EPC1: variants seen among roughly 807,000 people sequenced by gnomAD.
EPC1 encodes enhancer of polycomb 1.
EPC1 carries 12 observed loss-of-function variants against 98.4 expected under a neutral mutation model. The ratio of observed to expected loss-of-function variants is 0.12; its 90% CI spans 0.08 to 0.20. EPC1 has a LOEUF of 0.20. Ranked by LOEUF, EPC1 falls within the 10% of genes least tolerant of loss-of-function variation. The pLI, the probability that EPC1 is intolerant of heterozygous loss-of-function variation, is 1.00. For missense variants in EPC1, 729 were observed against 990.5 expected (o/e 0.74, Z 3.54); for synonymous variants, 357 against 363.9 (o/e 0.98, Z 0.21).
intron 2 of EPC1, among the ~76,000 whole-genome samples, chr10:32,302,766 T>C (rs935091242): frequency 2.6e-5 from 4 of 151,918 alleles, no homozygotes; most frequent in Non-Finnish European, 4.4e-5. Flanking sequence ...ATTTTAGCCA[T>C]TTAGGAAAAT....
chr10:32,323,352 T>C (rs1564546764), intron 1 of EPC1, among the ~76,000 whole-genome samples: 1 of 152,194 alleles, frequency 6.6e-6, no homozygotes, highest in Non-Finnish European at 1.5e-5. Flanking sequence ...CAAAACTTTC[T>C]TGTTCAAATA....
Position 32,268,998 on chromosome 10 carries a change from T to C in EPC1, c.*65A>G, listed in dbSNP as rs1835707595. ...GTGCTGCTTTCCATCATCCCTTGCA[T>C]TCAAAATGCTACTGATGCATAGCAC... On this transcript the variant is annotated 3_prime_UTR_variant, in exon 14 of 14. Transcript: ENST00000319778. The C allele has an allele frequency of 1.5e-6, 2 of 1,376,908 alleles. No individual in the cohort carries two copies. Among genetic ancestry groups the C allele is most frequent in the South Asian group, 2.4e-5 (2 of 82,454 alleles). The allele number at this position is 1,376,908 out of a possible 1,614,324, so 85.3% of individuals were successfully genotyped here. A position where few individuals can be genotyped will look rare whatever the true frequency, so the allele number is the denominator to read the frequency against.
intron 10 of EPC1, among the ~76,000 whole-genome samples, chr10:32,278,362 T>G (rs548607195): frequency 1.1e-4 from 7 of 64,774 alleles, no homozygotes; most frequent in East Asian, 5.6e-4. Flanking sequence ...TATACTTTGG[T>G]TTTTTTTTGT....
At chr10:32,366,723 C>A (rs1839614560) in intron 1 of EPC1, among the ~76,000 whole-genome samples, 1 of 152,078 alleles carries the variant, frequency 6.6e-6, no homozygotes, top group Non-Finnish European at 1.5e-5. Context: ...CAGAGTGCAA[C>A]CCACACAGTG....
At chr10:32,370,271 T>G (rs915066669) in intron 1 of EPC1, among the ~76,000 whole-genome samples, 1 of 152,142 alleles carries the variant, frequency 6.6e-6, no homozygotes, top group Non-Finnish European at 1.5e-5. Flanking sequence ...TTTATGTAGG[T>G]CTGGGCCTCC....
intron 2 of EPC1, among the ~76,000 whole-genome samples, chr10:32,301,188 C>T (rs947792097): frequency 2.0e-5 from 3 of 151,928 alleles, no homozygotes; most frequent in African/African-American, 4.8e-5. Flanking sequence ...AAAAAGGCTT[C>T]GAGTATTAAG....
At chr10:32,279,334 T>G (rs916628842) in intron 10 of EPC1, among the ~76,000 whole-genome samples, 1 of 146,112 alleles carries the variant, frequency 6.8e-6, no homozygotes. Flanking sequence ...GGCGACAGAG[T>G]GAGACTCTGT....
At chr10:32,343,785 G>A (rs1280059404) in intron 1 of EPC1, among the ~76,000 whole-genome samples, 1 of 151,812 alleles carries the variant, frequency 6.6e-6, no homozygotes, top group Non-Finnish European at 1.5e-5. Context: ...TATTAAAACT[G>A]GTTAAATGGG....
intron 1 of EPC1, among the ~76,000 whole-genome samples, chr10:32,360,222 A>G (rs896189265): frequency 2.0e-5 from 3 of 152,130 alleles, no homozygotes; most frequent in African/African-American, 7.2e-5. Context: ...CATATGTTGT[A>G]TCAGTAGTTT....
intron 10 of EPC1, among the ~76,000 whole-genome samples, chr10:32,280,442 C>T (rs1044714147): frequency 7.3e-5 from 11 of 151,466 alleles, no homozygotes; most frequent in African/African-American, 2.4e-4. Context: ...CAGAGTGAAA[C>T]TGTATCTCAA....
At chr10:32,276,367 C>A (rs1836095827) in intron 10 of EPC1, among the ~76,000 whole-genome samples, 1 of 152,114 alleles carries the variant, frequency 6.6e-6, no homozygotes, top group Non-Finnish European at 1.5e-5. Flanking sequence ...AAAAACTTAG[C>A]CAGGCGTGGT....
intron 1 of EPC1, among the ~76,000 whole-genome samples, chr10:32,352,748 A>C (rs1337317184): frequency 6.6e-6 from 1 of 152,174 alleles, no homozygotes; most frequent in East Asian, 1.9e-4. Flanking sequence ...AATACTTTAA[A>C]TGCATTATCT....
chr10:32,285,021 T>C lies in EPC1; in HGVS notation c.1421A>G (p.Tyr474Cys), dbSNP rs780802656. The C allele has an allele frequency of 4.3e-6, 7 of 1,614,040 alleles. No homozygotes were observed. Among genetic ancestry groups the C allele is most frequent in the African/African-American group, 1.3e-5 (1 of 74,942 alleles). Residue 474 changes from tyrosine (Y) to cysteine (C), a missense_variant, in exon 10 of 14, where the codon TAT (tyrosine) becomes TGT (cysteine). By Grantham distance (194) the Tyr-to-Cys change is radical (BLOSUM62 -2). Around this residue, in one of 6 missense-constraint regions of EPC1, gnomAD observed 390 missense variants for 438.6 expected, o/e 0.89. Coordinates refer to ENST00000319778, the MANE Select transcript of EPC1 (RefSeq NM_001272004.3). ...RVLLDRAHSDYDSVFHHLDLE... is the reference protein window; with the variant it reads ...RVLLDRAHSDCDSVFHHLDLE... ...ATCCAGATGGTGAAACACACTGTCA[T>C]AGTCTGAATGAGCTCTGTCCAGTAA...
intron 1 of EPC1, among the ~76,000 whole-genome samples, chr10:32,332,738 T>A (rs375026031): frequency 7.5e-4 from 115 of 152,326 alleles, no homozygotes; most frequent in African/African-American, 2.6e-3. Context: ...AGATTACAAA[T>A]GTTTGTTGTT....
intron 1 of EPC1, among the ~76,000 whole-genome samples, chr10:32,310,965 A>G (rs1353625153): frequency 1.3e-5 from 2 of 152,212 alleles, no homozygotes; most frequent in African/African-American, 4.8e-5. Flanking sequence ...GTGAAGTGTC[A>G]TGATATATGC....
chr10:32,296,055 C>G (rs955063700), intron 2 of EPC1, among the ~76,000 whole-genome samples: 3 of 151,834 alleles, frequency 2.0e-5, no homozygotes, highest in Non-Finnish European at 4.4e-5. Context: ...TTCCAACGAG[C>G]TGGGATTACA....
intron 1 of EPC1, among the ~76,000 whole-genome samples, chr10:32,358,671 T>C (rs373479756): frequency 6.5e-5 from 9 of 138,922 alleles, no homozygotes; most frequent in African/African-American, 8.0e-5. Flanking sequence ...GGGAAGAAAG[T>C]GGGTTTAAAT....
In EPC1 at chr10:32,293,752, C is replaced by A; in HGVS notation, c.314-15G>T. On this transcript the variant is annotated splice_polypyrimidine_tract_variant and intron_variant, in intron 2 of 13. Coordinates refer to ENST00000319778, the MANE Select transcript of EPC1 (RefSeq NM_001272004.3). ...CAAACTAAAAGCTGACAGAAGGAAC[C>A]ATATGCAATCATTTACTGTGTGAAT... is the stretch of plus-strand genomic sequence containing the variant. The A allele has an allele frequency of 6.2e-7, 1 of 1,604,636 alleles. No homozygotes were observed. Among genetic ancestry groups the A allele is most frequent in the South Asian group, 1.1e-5 (1 of 89,628 alleles).
At chr10:32,350,474 A>G (rs141941588), upstream of EPC1, among the ~76,000 whole-genome samples, 7 of 152,360 alleles carry the variant, frequency 4.6e-5, no homozygotes, top group Non-Finnish European at 1.0e-4. Flanking sequence ...AAATGCTATT[A>G]TAGAAGAAAG....
Sources: allele counts gnomAD v4.1 joint callset (sites outside exome capture counted in the v4.1 genomes callset), GRCh38; gene constraint gnomAD v4.1.1; regional missense constraint gnomAD v4.1.1; transcripts MANE v1.5; gene names NCBI Gene and HGNC (gene_info 2026-07-23, HGNC 2026-07-21).